Variants in DCX observed in about 807,000 individuals in gnomAD.
The protein encoded by DCX is doublecortin, also known as neuronal migration protein doublecortin.
In DCX, 4 loss-of-function variants were observed where a neutral mutation model predicts 20.9. That is an observed-to-expected ratio of 0.19 (90% CI 0.09 to 0.44). The LOEUF is 0.44. Ranked by LOEUF, DCX falls within the 20% of genes least tolerant of loss-of-function variation. The pLI is 0.99. For missense variants in DCX, 133 were observed against 296.9 expected, an observed-to-expected ratio of 0.45 and a Z score of 4.06; for synonymous variants, 103 against 111.4, an observed-to-expected ratio of 0.92 and a Z score of 0.47.
chrX:111,301,724 G>A lies in DCX; in HGVS notation c.1064C>T (p.Ser355Phe), dbSNP rs749546280. ...KHKVDLYLPL[S>F]LDDSDSLGDS... ...ACCAAGCGAGTCCGAGTCATCCAAG[G>A]ACAGAGGCAGGTACAGGTCCTATAA... is the stretch of plus-strand genomic sequence containing the variant. Residue 355 changes from serine to phenylalanine, a missense_variant, in exon 7 of 7, where the codon TCC (serine) becomes TTC (phenylalanine). Ser to Phe is a radical substitution (Grantham distance 155). Transcript: ENST00000636035. 1.7e-6 allele frequency: 2 copies of A among 1,211,351 alleles called. No homozygotes were observed. Among genetic ancestry groups the A allele is most frequent in the Non-Finnish European group, 2.2e-6 (2 of 895,196 alleles).
chrX:111,306,825 A>C (rs1028234932), intron 6 of DCX, among the ~76,000 whole-genome samples: 1 of 112,012 alleles, frequency 8.9e-6, no homozygotes, highest in Non-Finnish European at 1.9e-5. Flanking sequence ...TAACCAAAAA[A>C]GAAATCACAG....
intron 3 of DCX, among the ~76,000 whole-genome samples, chrX:111,360,147 G>T (rs997325269): frequency 8.9e-6 from 1 of 111,888 alleles, no homozygotes; most frequent in Non-Finnish European, 1.9e-5. Flanking sequence ...TTAAAAGAAT[G>T]CAGGGGTTGC....
intron 5 of DCX, among the ~76,000 whole-genome samples, chrX:111,324,656 C>T (rs1019383756): frequency 1.8e-5 from 2 of 111,655 alleles, no homozygotes; most frequent in African/African-American, 3.2e-5. Flanking sequence ...ACAAGTAAAG[C>T]GATTAGAACA....
At chrX:111,336,956 A>G (rs1921789320) in intron 3 of DCX, among the ~76,000 whole-genome samples, 1 of 111,407 alleles carries the variant, frequency 9.0e-6, no homozygotes, top group Non-Finnish European at 1.9e-5. Flanking sequence ...AAAGAAGAAG[A>G]AGAAGGAAAA....
intron 3 of DCX, among the ~76,000 whole-genome samples, chrX:111,361,326 G>A (rs757301448): frequency 2.4e-4 from 27 of 112,010 alleles, no homozygotes; most frequent in African/African-American, 8.1e-4. Context: ...AAGGAACAAT[G>A]AGCTTTCTGT....
chrX:111,380,180 T>C (rs995277253), intron 3 of DCX, among the ~76,000 whole-genome samples: 8 of 112,099 alleles, frequency 7.1e-5, no homozygotes, highest in African/African-American at 2.3e-4. Context: ...AAGTTTTTAA[T>C]TCTTATGAAG....
chrX:111,328,286 T>C (rs1488624077), intron 5 of DCX, among the ~76,000 whole-genome samples: 1 of 111,696 alleles, frequency 9.0e-6, no homozygotes, highest in Non-Finnish European at 1.9e-5. Flanking sequence ...ATCTCTTATA[T>C]TGTAACTCCC....
chrX:111,342,381 ATC>A (rs1556379588), intron 3 of DCX, among the ~76,000 whole-genome samples: 1 of 73,384 alleles, frequency 1.4e-5, no homozygotes, highest in African/African-American at 5.4e-5. Context: ...ATATATATAT[ATC>A]CATCCAATAC....
At chrX:111,409,707 A>T (rs1353124063) in intron 2 of DCX, among the ~76,000 whole-genome samples, 3 of 111,823 alleles carry the variant, frequency 2.7e-5, no homozygotes, top group African/African-American at 9.8e-5. Flanking sequence ...TATACCCTTA[A>T]TGATTTCATG....
chrX:111,393,360 T>C (rs1284369791), intron 3 of DCX, among the ~76,000 whole-genome samples: 4 of 111,874 alleles, frequency 3.6e-5, no homozygotes, highest in Non-Finnish European at 7.5e-5. Context: ...ATCTAAGAGC[T>C]AAAAATATAA....
At chrX:111,383,455 C>T (rs1274341091) in intron 3 of DCX, among the ~76,000 whole-genome samples, 1 of 111,744 alleles carries the variant, frequency 8.9e-6, no homozygotes. Flanking sequence ...ATCCATTGTC[C>T]TACTAGTATA....
intron 6 of DCX, among the ~76,000 whole-genome samples, chrX:111,307,305 C>T (rs994183944): frequency 3.7e-5 from 4 of 107,055 alleles, no homozygotes; most frequent in Admixed American, 1.0e-4. Context: ...TATATATACA[C>T]GTGTATATAT....
chrX:111,392,762 C>A (rs1435623099), intron 3 of DCX, among the ~76,000 whole-genome samples: 1 of 111,498 alleles, frequency 9.0e-6, no homozygotes, highest in East Asian at 2.8e-4. Context: ...TTTGAATAAG[C>A]AAAATATGTG....
intron 3 of DCX, among the ~76,000 whole-genome samples, chrX:111,358,819 T>C (rs1923968197): frequency 8.9e-6 from 1 of 112,000 alleles, no homozygotes; most frequent in Admixed American, 9.5e-5. Flanking sequence ...TTCAATTATA[T>C]AAAAGCTATG....
chrX:111,360,109 A>AGTT (rs1924081552), intron 3 of DCX, among the ~76,000 whole-genome samples: 1 of 112,178 alleles, frequency 8.9e-6, no homozygotes, highest in Non-Finnish European at 1.9e-5. Flanking sequence ...ACTACAATAT[A>AGTT]TCCATACTAT....
rs749274108 is a variant in DCX, at chrX:111,333,041, T to C, written c.808+10A>G. 1 of 1,175,516 alleles carries C rather than the reference T, an allele frequency of 8.5e-7. No individual in the cohort carries two copies. The highest frequency in any genetic ancestry group is 1.8e-5 in the South Asian group (1 of 55,717). On this transcript the variant is annotated intron_variant, in intron 4 of 6. Coordinates refer to ENST00000636035, the MANE Select transcript of DCX (RefSeq NM_001195553.2). Reference sequence around the variant, plus strand: ...ACAATGGAGCAATAAAACCCAGTGGTTATGCTTACCATTTTCATCCAGAGA... The same window carrying C: ...ACAATGGAGCAATAAAACCCAGTGGCTATGCTTACCATTTTCATCCAGAGA...
intron 5 of DCX, among the ~76,000 whole-genome samples, chrX:111,318,804 G>A (rs1481043117): frequency 9.0e-6 from 1 of 110,713 alleles, no homozygotes; most frequent in Non-Finnish European, 1.9e-5. Context: ...GAGGGTGGAG[G>A]GTGGAAGGAG....
intron 5 of DCX, among the ~76,000 whole-genome samples, chrX:111,322,142 C>T (rs1427857360): frequency 1.8e-5 from 2 of 111,912 alleles, no homozygotes; most frequent in Admixed American, 1.9e-4. Flanking sequence ...ATTTTTAGAG[C>T]ATTTTACCAT....
Position 111,330,911 on chromosome X carries a change from G to A in DCX, c.939C>T (p.Asp313=). The stretch of plus-strand genomic sequence containing the variant: ...TAGGAAAAGAGCACTCACCGTCTTG[G>A]TCGTTACCTGAGTCAGCTGGAGACT... ...RSKSPADSGN[D]QDANGTSSSQ... is the part of the protein sequence containing the mutation. The change falls in exon 5 of 7, where the codon GAC becomes GAT. Residue 313 remains aspartate (D), a synonymous_variant. Coordinates refer to ENST00000636035, the MANE Select transcript of DCX (RefSeq NM_001195553.2). 8.3e-7 allele frequency: 1 copy of A among 1,211,748 alleles called. No individual in the cohort carries two copies. Among genetic ancestry groups the A allele is most frequent in the Non-Finnish European group, 1.1e-6 (1 of 895,380 alleles).
Sources: allele counts gnomAD v4.1 joint callset (sites outside exome capture counted in the v4.1 genomes callset), GRCh38; gene constraint gnomAD v4.1.1; transcripts MANE v1.5; gene names NCBI Gene and HGNC (gene_info 2026-07-23, HGNC 2026-07-21).